The following FRAS1 variants were observed in gnomAD, a reference collection of about 807,000 sequenced individuals.
FRAS1 encodes the protein extracellular matrix organizing protein FRAS1.
FRAS1 carries 290 observed loss-of-function variants against 435.2 expected under a neutral mutation model. The observed-to-expected ratio is 0.67, with a 90% CI of 0.61 to 0.73. The LOEUF (loss-of-function observed/expected upper bound fraction) is 0.73. Ranked by LOEUF, FRAS1 falls within the 30% of genes least tolerant of loss-of-function variation. The pLI, the probability that FRAS1 is intolerant of heterozygous loss-of-function variation, is 0.00. For synonymous variants in FRAS1, 1,800 were observed against 1,851.0 expected, an observed-to-expected ratio of 0.97 and a Z score of 0.71; for missense variants, 4,860 against 5,001.5, an observed-to-expected ratio of 0.97 and a Z score of 0.85.
At chr4:78,536,922 C>T in intron 71 of FRAS1, 73 bp from the exon 72 acceptor site, 1 of 1,238,060 alleles carries the variant, frequency 8.1e-7, no homozygotes, top group Non-Finnish European at 1.2e-6. Context: ...ATGTTTAACC[C>T]CTTTCAACCC....
chr4:78,439,134 G>C (rs1578324953), intron 40 of FRAS1, 70 bp downstream of exon 40: 1 of 1,353,290 alleles, frequency 7.4e-7, no homozygotes, highest in Non-Finnish European at 1.0e-6. Context: ...TGTAAATGAA[G>C]GATTTCTGCC....
intron 3 of FRAS1, among the ~76,000 whole-genome samples, chr4:78,243,359 G>A (rs1725088628): frequency 6.6e-6 from 1 of 152,120 alleles, no homozygotes; most frequent in Non-Finnish European, 1.5e-5. Flanking sequence ...TCCTAAGCAA[G>A]TAATCTTGCC....
intron 10 of FRAS1, among the ~76,000 whole-genome samples, chr4:78,281,086 C>T (rs1471841124): frequency 6.6e-6 from 1 of 152,158 alleles, no homozygotes; most frequent in African/African-American, 2.4e-5. Flanking sequence ...GCTCTGGCAC[C>T]ATGCAAAATT....
intron 55 of FRAS1, 137 bp downstream of exon 55, chr4:78,478,198 C>T: frequency 1.1e-6 from 1 of 932,034 alleles, no homozygotes; most frequent in Non-Finnish European, 1.6e-6. Flanking sequence ...CATTTGGTTC[C>T]CACAACAACC....
intron 58 of FRAS1, among the ~76,000 whole-genome samples, chr4:78,488,509 A>C (rs1185692613): frequency 6.6e-6 from 1 of 152,200 alleles, no homozygotes; most frequent in Non-Finnish European, 1.5e-5. Context: ...AAGTCTTTTG[A>C]GTACCCAAAT....
chr4:78,477,865 C>T lies in FRAS1; in HGVS notation c.7902C>T (p.Asn2634=), dbSNP rs375072045. ...CCAAGTCCTGCACCATTGTCATCAACGATGATGACGTGTTTGAAAATGTTG... is the reference window on the plus strand; with the variant it reads ...CCAAGTCCTGCACCATTGTCATCAATGATGATGACGTGTTTGAAAATGTTG... The part of the protein sequence containing the change: ...EDTKSCTIVI[N]DDDVFENVES... Residue 2634 remains asparagine, a synonymous_variant, in exon 55 of 74, where the codon AAC becomes AAT. Coordinates refer to ENST00000512123, the MANE Select transcript of FRAS1 (RefSeq NM_025074.7). The T allele has an allele frequency of 2.5e-5, 41 of 1,613,322 alleles. No individual in the cohort carries two copies. Among genetic ancestry groups the T allele is most frequent in the Middle Eastern group, 1.6e-4 (1 of 6,080 alleles).
chr4:78,165,135 G>T (rs890207529), intron 2 of FRAS1, among the ~76,000 whole-genome samples: 2 of 152,132 alleles, frequency 1.3e-5, no homozygotes, highest in Non-Finnish European at 2.9e-5. Flanking sequence ...GTAAAACTGA[G>T]AGCTTTCTGA....
intron 50 of FRAS1, among the ~76,000 whole-genome samples, chr4:78,467,707 C>A (rs961045932): frequency 6.6e-6 from 1 of 152,114 alleles, no homozygotes; most frequent in Non-Finnish European, 1.5e-5. Context: ...ATGAGGGTTC[C>A]CTTTTCTCCA....
At chr4:78,210,648 A>G (rs1342923266) in intron 2 of FRAS1, among the ~76,000 whole-genome samples, 1 of 152,172 alleles carries the variant, frequency 6.6e-6, no homozygotes, top group African/African-American at 2.4e-5. Flanking sequence ...GGGATGGCTC[A>G]TGTGTCATTG....
chr4:78,486,018 G>A (rs1720157128), intron 58 of FRAS1, among the ~76,000 whole-genome samples: 1 of 152,252 alleles, frequency 6.6e-6, no homozygotes, highest in African/African-American at 2.4e-5. Flanking sequence ...TACCTTTGCT[G>A]TGCTGGTACC....
rs748386579 is a variant in FRAS1, at chr4:78,254,516, AC to A, written c.470-723del. ...ACAGACATTTTGGGCTAAAAAACCA[AC>A]CCTACAAGTGAAAATACTTGGAACA... On this transcript the variant is annotated intron_variant, in intron 5 of 73. Transcript: ENST00000512123. Among the ~76,000 whole-genome samples, 15 of 152,218 alleles carry A rather than the reference AC, an allele frequency of 9.9e-5. No individual in the cohort carries two copies. The East Asian group carries it at 2.9e-3, about 29-fold the overall frequency.
At position 78,241,428 on chromosome 4, in the gene FRAS1, A is replaced by G. The variant is rs528465926; in HGVS notation, c.217-3805A>G. On this transcript the variant is annotated intron_variant, in intron 3 of 73. Transcript: ENST00000512123. ...AAGGCACCTAGTCAACATTTTTGTA[A>G]TGATCTCATAAGGGAAAGGAGAGGG... Among the ~76,000 whole-genome samples, 8 of 152,332 alleles carry G rather than the reference A, an allele frequency of 5.3e-5. No homozygotes were observed. In the South Asian group the frequency reaches 1.7e-3, roughly 32 times the overall value.
At chr4:78,124,510 A>T (rs1388795079) in intron 2 of FRAS1, among the ~76,000 whole-genome samples, 3 of 152,108 alleles carry the variant, frequency 2.0e-5, no homozygotes, top group Non-Finnish European at 2.9e-5. Context: ...GGAGGATTCT[A>T]TCTTTTTCTA....
At chr4:78,073,344 A>G (rs1479317521) in intron 2 of FRAS1, among the ~76,000 whole-genome samples, 2 of 152,184 alleles carry the variant, frequency 1.3e-5, no homozygotes, top group African/African-American at 4.8e-5. Flanking sequence ...TAAGTTAACA[A>G]ACACATTTCT....
intron 12 of FRAS1, among the ~76,000 whole-genome samples, 168 bp from the exon 13 acceptor site, chr4:78,284,237 T>G (rs539721855): frequency 2.7e-4 from 40 of 148,492 alleles, no homozygotes; most frequent in Admixed American, 6.7e-4. Flanking sequence ...GTATTTTTTT[T>G]TTTTTTTTTT....
At chr4:78,429,303 G>C in intron 36 of FRAS1, 77 bp downstream of exon 36, 1 of 1,482,630 alleles carries the variant, frequency 6.7e-7, no homozygotes, top group Non-Finnish European at 9.0e-7. Flanking sequence ...ACCTCTTGAT[G>C]GTTGCCAAAA....
intron 13 of FRAS1, among the ~76,000 whole-genome samples, chr4:78,285,490 G>A (rs1246645679): frequency 1.3e-5 from 2 of 150,046 alleles, no homozygotes; most frequent in Admixed American, 6.6e-5. Flanking sequence ...GGAGTGTGGT[G>A]GCATGGTCTC....
intron 63 of FRAS1, among the ~76,000 whole-genome samples, chr4:78,510,580 G>A (rs1055644297): frequency 1.4e-4 from 21 of 152,174 alleles, no homozygotes; most frequent in Non-Finnish European, 2.5e-4. Context: ...AATTTTTCTT[G>A]TTATATACTT....
chr4:78,417,168 G>A (rs1219227840), intron 32 of FRAS1, among the ~76,000 whole-genome samples: 2 of 152,022 alleles, frequency 1.3e-5, no homozygotes, highest in Non-Finnish European at 2.9e-5. Flanking sequence ...CTTTTTATAT[G>A]TAGTATCTAT....
Sources: allele counts gnomAD v4.1 joint callset (sites outside exome capture counted in the v4.1 genomes callset), GRCh38; gene constraint gnomAD v4.1.1; transcripts MANE v1.5; gene names NCBI Gene and HGNC (gene_info 2026-07-23, HGNC 2026-07-21).